Variants in CDH4 observed in about 807,000 individuals in gnomAD.
The protein encoded by CDH4 is cadherin 4.
A neutral mutation model predicts 86.0 loss-of-function variants in CDH4; 33 were observed. The ratio of observed to expected loss-of-function variants is 0.38; its 90% confidence interval spans 0.29 to 0.51. The LOEUF (loss-of-function observed/expected upper bound fraction) is 0.51. Among genes scored for constraint, CDH4 ranks in the 20% least tolerant of loss-of-function variants. The probability of loss-of-function intolerance (pLI) is 0.86; values close to 1 mark genes in which losing one functional copy is unlikely to be tolerated. For missense variants in CDH4, 1,114 were observed against 1,307.4 expected, an observed-to-expected ratio of 0.85 and a Z score of 2.28; for synonymous variants, 555 against 549.4, an observed-to-expected ratio of 1.01 and a Z score of -0.14.
chr20:61,326,337 A>G (rs1173355632), intron 2 of CDH4, among the ~76,000 whole-genome samples: 1 of 152,226 alleles, frequency 6.6e-6, no homozygotes, highest in Non-Finnish European at 1.5e-5. Context: ...AATAAGCATA[A>G]GAGGAAAATT....
intron 4 of CDH4, among the ~76,000 whole-genome samples, chr20:61,834,339 C>T (rs1446314448): frequency 1.3e-5 from 2 of 152,222 alleles, no homozygotes; most frequent in African/African-American, 4.8e-5. Flanking sequence ...GGGGTCTGGC[C>T]TCCATCTTTT....
At position 61,252,650 on chromosome 20, in the gene CDH4, C is replaced by T. The variant is rs2084068841; in HGVS notation, c.57+80C>T. 1 of 867,064 alleles carries T rather than the reference C, an allele frequency of 1.2e-6. No individual in the cohort carries two copies. Among genetic ancestry groups the T allele is most frequent in the Non-Finnish European group, 1.5e-6 (1 of 668,656 alleles). The allele number at this position is 867,064 out of a possible 1,614,324, so 53.7% of individuals were successfully genotyped here. A position where few individuals can be genotyped will look rare whatever the true frequency, so the allele number is the denominator to read the frequency against. On this transcript the variant is annotated intron_variant, in intron 1 of 15. Transcript: ENST00000614565. This position sits in a 1 kb window ranked among gnomAD's most constrained non-coding sequence, Gnocchi z 4.4. ...GTCCCCGGATCCCGCGGGGCGCTCA[C>T]ACACCCGGCGGGGCTCTCCCGGGCT...
Position 61,574,988 on chromosome 20 carries a change from G to A in CDH4, c.170-168575G>A, listed in dbSNP as rs192350041. The stretch of plus-strand genomic sequence containing the variant: ...ATAAACTCATGAAGAGTGCTGCCGT[G>A]TGAAGAAACACCACGCTGGGAAGGT... On this transcript the variant is annotated intron_variant, in intron 2 of 15. Transcript: ENST00000614565. 6.1e-3 allele frequency among the ~76,000 whole-genome samples: 931 copies of A among 152,326 alleles called. 3 individuals are homozygous for A. Among genetic ancestry groups the A allele is most frequent in the Middle Eastern group, 0.017 (5 of 294 alleles).
intron 4 of CDH4, among the ~76,000 whole-genome samples, chr20:61,813,969 C>T (rs1398331331): frequency 1.3e-5 from 2 of 152,210 alleles, no homozygotes; most frequent in Non-Finnish European, 2.9e-5. Flanking sequence ...AGCAGGAGTC[C>T]ATACGTGTCT....
chr20:61,565,466 C>T (rs2145698205), intron 2 of CDH4, among the ~76,000 whole-genome samples: 1 of 150,982 alleles, frequency 6.6e-6, no homozygotes, highest in Middle Eastern at 3.4e-3. Flanking sequence ...TGTAACAACC[C>T]TAGAAAGGCT....
Position 61,599,998 on chromosome 20 carries a change from T to G in CDH4, c.170-143565T>G, listed in dbSNP as rs981753517. 5.2e-6 allele frequency: 5 copies of G among 965,710 alleles called. 1 individual carries two copies. Among genetic ancestry groups the G allele is most frequent in the Non-Finnish European group, 2.5e-6 (2 of 812,162 alleles). 59.8% of individuals were successfully genotyped at this position (965,710 alleles called of 1,614,324 possible). A position where few individuals can be genotyped will look rare whatever the true frequency, so the allele number is the denominator to read the frequency against. ...CTGAGCTGAAGTGACAGGTACCCCG[T>G]GCTAATGATGGGGAAAGTGTGAAGG... On this transcript the variant is annotated intron_variant, in intron 2 of 15. Transcript: ENST00000614565.
chr20:61,818,669 T>G (rs1419849477), intron 4 of CDH4, among the ~76,000 whole-genome samples: 1 of 142,470 alleles, frequency 7.0e-6, no homozygotes, highest in Non-Finnish European at 1.5e-5. Context: ...TAGAACGAAG[T>G]CTCTTAAAAA....
At chr20:61,390,645 C>A (rs2084979047) in intron 2 of CDH4, among the ~76,000 whole-genome samples, 1 of 150,542 alleles carries the variant, frequency 6.6e-6, no homozygotes, top group South Asian at 2.2e-4. Flanking sequence ...CATAGGGTGC[C>A]CATAGTGCCG....
rs1443322489 is a variant in CDH4, at chr20:61,518,857, C to T, written c.170-224706C>T. On this transcript the variant is annotated intron_variant, in intron 2 of 15. Transcript: ENST00000614565. The surrounding 1 kb of genome is among the most constrained non-coding windows in gnomAD (Gnocchi z 6.3). ...TTCATCCATTCATCCACCCATCACC[C>T]ATTCATCCATCATTCATTCATCAAT... 6.6e-6 allele frequency among the ~76,000 whole-genome samples: 1 copy of T among 152,000 alleles called. No homozygotes were observed. Among genetic ancestry groups the T allele is most frequent in the Non-Finnish European group, 1.5e-5 (1 of 67,976 alleles).
chr20:61,325,383 G>A (rs1012549755), intron 2 of CDH4, among the ~76,000 whole-genome samples: 16 of 152,202 alleles, frequency 1.1e-4, no homozygotes, highest in Admixed American at 8.5e-4. Flanking sequence ...TTTAAATTCT[G>A]TTAATGTCCC....
intron 7 of CDH4, among the ~76,000 whole-genome samples, chr20:61,878,293 G>A (rs1373487271): frequency 6.6e-6 from 1 of 152,060 alleles, no homozygotes; most frequent in East Asian, 1.9e-4. Context: ...CCCTCCCCAG[G>A]TTCAATGCAG....
intron 3 of CDH4, among the ~76,000 whole-genome samples, chr20:61,767,341 A>G (rs2088711983): frequency 1.3e-5 from 2 of 152,118 alleles, no homozygotes; most frequent in Admixed American, 1.3e-4. Flanking sequence ...TGCTGCCCCC[A>G]CCGGGGCTGT....
chr20:61,789,088 T>G (rs1979028317), intron 4 of CDH4, among the ~76,000 whole-genome samples: 1 of 152,168 alleles, frequency 6.6e-6, no homozygotes, highest in Non-Finnish European at 1.5e-5. Flanking sequence ...GACACAGGTG[T>G]GGGTTGGTCA....
intron 9 of CDH4, among the ~76,000 whole-genome samples, chr20:61,920,059 TTG>T (rs1164116226): frequency 7.3e-6 from 1 of 136,084 alleles, no homozygotes; most frequent in Non-Finnish European, 1.5e-5. Flanking sequence ...GGTATCGTGA[TTG>T]TGTGGAAGCG....
At chr20:61,296,127 C>T (rs116058788) in intron 2 of CDH4, among the ~76,000 whole-genome samples, 88 of 152,254 alleles carry the variant, frequency 5.8e-4, no homozygotes, top group African/African-American at 2.1e-3. Flanking sequence ...AGATGATCCA[C>T]ACCACATCAA....
At chr20:61,360,630 G>A (rs2084778471) in intron 2 of CDH4, among the ~76,000 whole-genome samples, 1 of 152,202 alleles carries the variant, frequency 6.6e-6, no homozygotes, top group Non-Finnish European at 1.5e-5. Flanking sequence ...AGTCCAGCCT[G>A]GGGACATGTG....
At chr20:61,360,703 T>C (rs915788887) in intron 2 of CDH4, among the ~76,000 whole-genome samples, 6 of 152,202 alleles carry the variant, frequency 3.9e-5, no homozygotes, top group Admixed American at 2.6e-4. Flanking sequence ...AACCTGATAT[T>C]GGAGGCCATG....
chr20:61,743,363 C>G (rs376449809), intron 2 of CDH4, among the ~76,000 whole-genome samples, 200 bp from the exon 3 acceptor site: 10 of 152,322 alleles, frequency 6.6e-5, no homozygotes, highest in South Asian at 2.1e-4. Flanking sequence ...TTCTTCCCCC[C>G]CTTTTTTAAA....
intron 2 of CDH4, among the ~76,000 whole-genome samples, chr20:61,554,770 T>C (rs114450835): frequency 0.041 from 6,308 of 152,368 alleles, 285 homozygotes; most frequent in African/African-American, 0.12. Flanking sequence ...TGTGCATATG[T>C]GCATGGTGTG....
Sources: allele counts gnomAD v4.1 joint callset (sites outside exome capture counted in the v4.1 genomes callset), GRCh38; gene constraint gnomAD v4.1.1; non-coding constraint Gnocchi (gnomAD v3.1); transcripts MANE v1.5; gene names NCBI Gene and HGNC (gene_info 2026-07-23, HGNC 2026-07-21).